ANKMY2: variants seen among roughly 807,000 people sequenced by gnomAD.
The protein encoded by ANKMY2 is ankyrin repeat and MYND domain-containing protein 2.
ANKMY2 carries 36 observed loss-of-function variants against 50.4 expected under a neutral mutation model. The ratio of observed to expected loss-of-function variants is 0.71; its 90% CI spans 0.55 to 0.94. The LOEUF is 0.94. Ranked by LOEUF, ANKMY2 falls within the 40% of genes least tolerant of loss-of-function variation. The probability of loss-of-function intolerance (pLI) is 0.00; values close to 1 mark genes in which losing one functional copy is unlikely to be tolerated. For missense variants in ANKMY2, 565 were observed against 524.0 expected, an observed-to-expected ratio of 1.08 and a Z score of -0.76; for synonymous variants, 187 against 178.8, an observed-to-expected ratio of 1.05 and a Z score of -0.36.
At chr7:16,642,652 GAA>G (rs879845640) in intron 1 of ANKMY2, among the ~76,000 whole-genome samples, 4 of 127,086 alleles carry the variant, frequency 3.1e-5, no homozygotes, top group African/African-American at 8.6e-5. Flanking sequence ...ACGTATGAAA[GAA>G]AAAAAAAAAA....
chr7:16,636,068 G>C (rs150274326), intron 2 of ANKMY2, among the ~76,000 whole-genome samples: 3,702 of 152,094 alleles, frequency 0.024, 134 homozygotes, highest in African/African-American at 0.085. Flanking sequence ...CACTTTGGGA[G>C]GCCAAGGCAG....
At chr7:16,622,706 C>CTCCA (rs1381038695) in intron 4 of ANKMY2, among the ~76,000 whole-genome samples, 1 of 151,594 alleles carries the variant, frequency 6.6e-6, no homozygotes, top group East Asian at 1.9e-4. Context: ...GGCCACTGCA[C>CTCCA]TCCAGCCTGG....
At chr7:16,616,570 G>GC (rs1490139961) in intron 4 of ANKMY2, among the ~76,000 whole-genome samples, 2 of 100,786 alleles carry the variant, frequency 2.0e-5, no homozygotes, top group Non-Finnish European at 4.2e-5. Context: ...TGCTCCTGCG[G>GC]CGCCCCCCCC....
intron 1 of ANKMY2, among the ~76,000 whole-genome samples, chr7:16,636,798 A>AC (rs1458042435): frequency 6.6e-6 from 1 of 152,214 alleles, no homozygotes; most frequent in Non-Finnish European, 1.5e-5. Context: ...AATCCAAATC[A>AC]CCATCTGAAG....
In ANKMY2 at chr7:16,624,801, C is replaced by T. The variant is rs181603302; in HGVS notation, c.370+182G>A. ...CTTTGTATTTGAAAAAGTGGAAATT[C>T]GAAATAGCCATTTGTTTTCTCCAGA... is the stretch of plus-strand genomic sequence containing the variant. On this transcript the variant is annotated intron_variant, in intron 4 of 9. Coordinates refer to ENST00000306999, the MANE Select transcript of ANKMY2 (RefSeq NM_020319.3). 1.5e-4 allele frequency among the ~76,000 whole-genome samples: 23 copies of T among 152,180 alleles called. No individual in the cohort carries two copies. In the East Asian group the frequency reaches 3.1e-3, roughly 20 times the overall value.
intron 2 of ANKMY2, among the ~76,000 whole-genome samples, chr7:16,629,229 G>C (rs1048281830): frequency 2.0e-5 from 3 of 152,194 alleles, no homozygotes; most frequent in African/African-American, 7.2e-5. Flanking sequence ...CAATGAGAGA[G>C]TTTCTTTCCA....
chr7:16,636,408 C>A lies in ANKMY2; in HGVS notation c.115G>T (p.Val39Phe). Residue 39 changes from valine (V) to phenylalanine (F), a missense_variant, in exon 2 of 10, where the codon GTC (valine) becomes TTC (phenylalanine). Coordinates refer to ENST00000306999, the MANE Select transcript of ANKMY2 (RefSeq NM_020319.3). ...AATCTTACCTCGTCCAAACAGTTGA[C>A]ACGAACATTCTTGCTGGATAATAAT... ...GTLLSSKNVRVNCLDENGMTP... is the reference protein window; with the variant it reads ...GTLLSSKNVRFNCLDENGMTP... 6.5e-7 allele frequency: 1 copy of A among 1,546,358 alleles called. No homozygotes were observed. The highest frequency in any genetic ancestry group is 1.1e-5 in the South Asian group (1 of 88,092).
At chr7:16,626,636 CATCAT>C (rs1218831571) in intron 3 of ANKMY2, among the ~76,000 whole-genome samples, 1 of 152,138 alleles carries the variant, frequency 6.6e-6, no homozygotes, top group East Asian at 1.9e-4. Context: ...CTAAAGGGAT[CATCAT>C]ATTTAGTACA....
chr7:16,639,298 A>G (rs775693577), intron 1 of ANKMY2, among the ~76,000 whole-genome samples: 41 of 152,342 alleles, frequency 2.7e-4, no homozygotes, highest in Non-Finnish European at 4.7e-4. Context: ...TGGGAAATAA[A>G]TATGTTAAAT....
chr7:16,602,536 A>G, intron 8 of ANKMY2, 27 bp from the exon 9 acceptor site: 1 of 1,603,474 alleles, frequency 6.2e-7, no homozygotes, highest in Non-Finnish European at 8.5e-7. Flanking sequence ...GTTTATTTTC[A>G]TTTCCAGAGC....
intron 2 of ANKMY2, among the ~76,000 whole-genome samples, chr7:16,631,671 A>G (rs1451702763): frequency 6.6e-6 from 1 of 150,952 alleles, no homozygotes; most frequent in African/African-American, 2.4e-5. Context: ...CTAGAGTGCA[A>G]TGGTGCAATC....
At chr7:16,632,341 A>T (rs993680708) in intron 2 of ANKMY2, among the ~76,000 whole-genome samples, 2 of 152,268 alleles carry the variant, frequency 1.3e-5, no homozygotes, top group African/African-American at 4.8e-5. Flanking sequence ...ACCACAATCA[A>T]TTTTTGAATA....
intron 9 of ANKMY2, 132 bp from the exon 10 acceptor site, chr7:16,601,077 G>T: frequency 1.6e-6 from 1 of 630,430 alleles, no homozygotes; most frequent in Non-Finnish European, 2.3e-6. Flanking sequence ...CATCGCTAAC[G>T]TTATTTTACA....
chr7:16,610,738 G>T lies in ANKMY2; in HGVS notation c.557C>A (p.Pro186His), dbSNP rs1360021778. 6.2e-7 allele frequency: 1 copy of T among 1,613,682 alleles called. No homozygotes were observed. Among genetic ancestry groups the T allele is most frequent in the African/African-American group, 1.3e-5 (1 of 74,898 alleles). Residue 186 changes from proline (P) to histidine (H), a missense_variant, in exon 6 of 10, where the codon CCT becomes CAT. Physicochemically the swap from Pro to His is moderately conservative, Grantham distance 77 (BLOSUM62 -2). Transcript: ENST00000306999. Reference protein sequence around the residue: ...VKIVMLVNENPLLTEEAALNK... With the variant: ...VKIVMLVNENHLLTEEAALNK... ...CAGGGCTGCTTCTTCTGTCAGCAGA[G>T]GATTCTCATTTACAAGCATCACGAT...
chr7:16,641,800 AG>A (rs1424315885), intron 1 of ANKMY2, among the ~76,000 whole-genome samples: 1 of 152,230 alleles, frequency 6.6e-6, no homozygotes, highest in Non-Finnish European at 1.5e-5. Flanking sequence ...CCTCAAAAAA[AG>A]GATACTTATT....
rs573976537 is a variant in ANKMY2, at chr7:16,606,047, G to A, written c.883-1198C>T. ...TTGGCCAGGCTGGTCTCAAACTCCT[G>A]ACCTCGTGGTTCGCCCGCCTTGGCT... On this transcript the variant is annotated intron_variant, in intron 7 of 9. Coordinates refer to ENST00000306999, the MANE Select transcript of ANKMY2 (RefSeq NM_020319.3). Among the ~76,000 whole-genome samples the A allele has an allele frequency of 9.0e-3, 1,371 of 151,974 alleles. 9 individuals are homozygous for A. Among genetic ancestry groups the A allele is most frequent in the Non-Finnish European group, 0.016 (1,086 of 67,934 alleles).
chr7:16,634,947 G>T (rs1781635798), intron 2 of ANKMY2, among the ~76,000 whole-genome samples: 1 of 151,928 alleles, frequency 6.6e-6, no homozygotes, highest in Non-Finnish European at 1.5e-5. Flanking sequence ...ACAATGTCTA[G>T]CACCCAATAA....
intron 5 of ANKMY2, among the ~76,000 whole-genome samples, chr7:16,615,066 G>T (rs1201578002): frequency 1.3e-5 from 2 of 152,316 alleles, no homozygotes; most frequent in African/African-American, 2.4e-5. Flanking sequence ...AAGTTTCCCA[G>T]TTAAGCCATT....
intron 2 of ANKMY2, among the ~76,000 whole-genome samples, chr7:16,628,088 C>A (rs1781529987): frequency 6.6e-6 from 1 of 152,140 alleles, no homozygotes; most frequent in African/African-American, 2.4e-5. Flanking sequence ...ATGTACTAGG[C>A]ACTACTATTA....
Sources: gnomAD v4.1 joint callset for allele counts (sites outside exome capture counted in the v4.1 genomes callset) on GRCh38, gnomAD v4.1.1 for gene constraint, MANE v1.5 for transcripts, NCBI Gene and HGNC (gene_info 2026-07-23, HGNC 2026-07-21) for gene names.